MAP3K19: variants seen among roughly 807,000 people sequenced by gnomAD.
MAP3K19 encodes SPS1/STE20-related protein kinase YSK4.
In MAP3K19, 91 loss-of-function variants were observed where a neutral mutation model predicts 114.4. The ratio of observed to expected loss-of-function variants is 0.80; its 90% CI spans 0.67 to 0.95. MAP3K19 has a LOEUF of 0.95. Among genes scored for constraint, MAP3K19 ranks in the 40% least tolerant of loss-of-function variants. The pLI is 0.00. For missense variants in MAP3K19, 1,471 were observed against 1,573.2 expected (o/e 0.94, Z 1.10); for synonymous variants, 518 against 530.5 (o/e 0.98, Z 0.32).
chr2:135,008,831 T>C (rs1220481779), intron 5 of MAP3K19, among the ~76,000 whole-genome samples: 1 of 152,166 alleles, frequency 6.6e-6, no homozygotes, highest in Non-Finnish European at 1.5e-5. Flanking sequence ...CAGGCTGGAA[T>C]GCAGTGGCAC....
chr2:134,998,971 C>T lies in MAP3K19; in HGVS notation c.341G>A (p.Trp114Ter). The T allele has an allele frequency of 6.2e-7, 1 of 1,613,702 alleles. No homozygotes were observed. The highest frequency in any genetic ancestry group is 8.5e-7 in the Non-Finnish European group (1 of 1,179,978). ...KNLINSSLQE[W>*]AQAHAVSHPN... ...ATGAGAAACTGCATGTGCTTGTGCC[C>T]ATTCTTGAAGCGATGAGTTTATCAG... Residue 114 changes from tryptophan (W) to a stop codon, truncating the protein, a stop_gained, in exon 8 of 13, where the codon TGG becomes TAG. Transcript: ENST00000392915. LOFTEE classifies it high-confidence loss of function.
At chr2:135,021,861 A>G (rs376994611) in intron 4 of MAP3K19, 31 bp from the exon 5 acceptor site, 3 of 1,337,808 alleles carry the variant, frequency 2.2e-6, no homozygotes, top group South Asian at 1.3e-5. Flanking sequence ...GTATGTTTTG[A>G]TAAGATTCAT....
In MAP3K19 at chr2:134,986,868, G is replaced by A. The variant is rs779897651; in HGVS notation, c.2004C>T (p.Thr668=). 1.2e-6 allele frequency: 2 copies of A among 1,613,894 alleles called. No individual in the cohort carries two copies. Among genetic ancestry groups the A allele is most frequent in the Admixed American group, 1.7e-5 (1 of 59,986 alleles). ...TCTCTCGCACATGACAATAAACAGG[G>A]GTCCCAAACATTTCATAGATTCCAG... The part of the protein sequence containing the change: ...NGPGIYEMFG[T]PVYCHVRETE... Residue 668 remains threonine, a synonymous_variant, in exon 10 of 13, where the codon ACC becomes ACT. Coordinates refer to ENST00000392915, the MANE Select transcript of MAP3K19 (RefSeq NM_025052.5).
At chr2:134,971,846 T>A (rs1025562602) in intron 12 of MAP3K19, among the ~76,000 whole-genome samples, 1 of 151,954 alleles carries the variant, frequency 6.6e-6, no homozygotes, top group Non-Finnish European at 1.5e-5. Context: ...TGATTTTATT[T>A]TTTTTTTAAC....
intron 12 of MAP3K19, among the ~76,000 whole-genome samples, chr2:134,973,088 G>A (rs1683986904): frequency 6.6e-6 from 1 of 152,032 alleles, no homozygotes; most frequent in Non-Finnish European, 1.5e-5. Flanking sequence ...TGTTTTAATG[G>A]GAACATTTAT....
In MAP3K19 at chr2:135,028,655, A is replaced by C. The variant is rs144160816; in HGVS notation, c.-95+1657T>G. Reference sequence around the variant, plus strand: ...ATGAATGTAATTTGATGCCTTAATGAAAGTAAAACTTAATTTGGATAATTC... The same window carrying C: ...ATGAATGTAATTTGATGCCTTAATGCAAGTAAAACTTAATTTGGATAATTC... On this transcript the variant is annotated intron_variant, in intron 3 of 12. Transcript: ENST00000392915. Among the ~76,000 whole-genome samples the C allele has an allele frequency of 2.9e-3, 449 of 152,338 alleles. 2 individuals are homozygous for C. The highest frequency in any genetic ancestry group is 0.01 in the African/African-American group (418 of 41,576).
At chr2:135,031,158 TAAAA>T (rs58623364) in intron 2 of MAP3K19, among the ~76,000 whole-genome samples, 122 of 135,004 alleles carry the variant, frequency 9.0e-4, no homozygotes, top group African/African-American at 2.8e-3. Flanking sequence ...GAGACATATT[TAAAA>T]AAAAAAAAAA....
At position 134,987,234 on chromosome 2, in the gene MAP3K19, C is replaced by T. The variant is rs1457017910; in HGVS notation, c.1638G>A (p.Lys546=). 1.9e-6 allele frequency: 3 copies of T among 1,614,010 alleles called. No homozygotes were observed. The highest frequency in any genetic ancestry group is 2.7e-5 in the African/African-American group (2 of 74,900). ...SKLDSKTKTS[K]KTPQNFVIST... ...AAATCACAAAATTCTGAGGTGTCTT[C>T]TTACTTGTCTTGGTCTTTGAATCCA... The change falls in exon 10 of 13, where the codon AAG becomes AAA. Residue 546 remains lysine, a synonymous_variant. Coordinates refer to ENST00000392915, the MANE Select transcript of MAP3K19 (RefSeq NM_025052.5).
chr2:134,968,116 C>G (rs996482316), intron 12 of MAP3K19, among the ~76,000 whole-genome samples: 3 of 152,128 alleles, frequency 2.0e-5, no homozygotes, highest in Middle Eastern at 3.2e-3. Flanking sequence ...CTTGCACCGC[C>G]CCTAATCCAT....
At chr2:134,989,893 C>T (rs975819340) in intron 9 of MAP3K19, among the ~76,000 whole-genome samples, 4 of 152,064 alleles carry the variant, frequency 2.6e-5, no homozygotes, top group African/African-American at 4.8e-5. Flanking sequence ...ACCCACCTGA[C>T]CAACATGGTG....
intron 5 of MAP3K19, among the ~76,000 whole-genome samples, chr2:135,011,666 GTTGT>G (rs58467283): frequency 0.028 from 4,191 of 150,204 alleles, 144 homozygotes; most frequent in African/African-American, 0.079. Context: ...AGAGTTTGAT[GTTGT>G]TTGTTTGTTT....
rs74431328 is a variant in MAP3K19 at position 134,973,484 on chromosome 2, C to T, written c.3920+7337G>A. On this transcript the variant is annotated intron_variant, in intron 12 of 12. Coordinates refer to ENST00000392915, the MANE Select transcript of MAP3K19 (RefSeq NM_025052.5). Reference sequence around the variant, plus strand: ...TTTGCATGAACTATCTTTTTCCATCCTTTCACTTTCAGTCTATATGTGTCT... The same window carrying T: ...TTTGCATGAACTATCTTTTTCCATCTTTTCACTTTCAGTCTATATGTGTCT... Among the ~76,000 whole-genome samples, 8 of 152,128 alleles carry T rather than the reference C, an allele frequency of 5.3e-5. 1 individual carries two copies. The highest frequency in any genetic ancestry group is 5.2e-4 in the Admixed American group (8 of 15,274).
chr2:134,981,479 C>T lies in MAP3K19; in HGVS notation c.3262G>A (p.Val1088Ile), dbSNP rs1437005151. The change falls in exon 12 of 13, where the codon GTA becomes ATA. Residue 1088 changes from valine to isoleucine, a missense_variant. Coordinates refer to ENST00000392915, the MANE Select transcript of MAP3K19 (RefSeq NM_025052.5). ...GAGGTATCCAAAGCCACCTGTTTTA[C>T]AGCTATTAGCTGTCCTTGACTAGTG... ...GLTSQGQLIA[V>I]KQVALDTSNK... 28 of 1,614,056 alleles carry T rather than the reference C, an allele frequency of 1.7e-5. No homozygotes were observed. The Admixed American group carries it at 4.3e-4, about 25-fold the overall frequency.
intron 8 of MAP3K19, among the ~76,000 whole-genome samples, chr2:134,998,510 T>C (rs1473894856): frequency 6.6e-6 from 1 of 152,220 alleles, no homozygotes; most frequent in African/African-American, 2.4e-5. Flanking sequence ...TTTGCACATA[T>C]AGTGCTCTTT....
chr2:135,025,209 C>G (rs1366787805), intron 3 of MAP3K19, among the ~76,000 whole-genome samples: 1 of 151,204 alleles, frequency 6.6e-6, no homozygotes, highest in African/African-American at 2.4e-5. Flanking sequence ...TTTGATATTT[C>G]TTTTTTCTAA....
Position 134,986,194 on chromosome 2 carries a change from A to G in MAP3K19, c.2678T>C (p.Phe893Ser). 6.2e-7 allele frequency: 1 copy of G among 1,613,692 alleles called. No individual in the cohort carries two copies. Among genetic ancestry groups the G allele is most frequent in the Middle Eastern group, 1.7e-4 (1 of 6,058 alleles). Reference protein sequence around the residue: ...ASRILTNDLEFDSVSDHSKTL... With the variant: ...ASRILTNDLESDSVSDHSKTL... ...TTTAGAGTGATCTGAAACACTATCA[A>G]ACTCTAGATCATTAGTTAAAATTCG... The change falls in exon 10 of 13, where the codon TTT becomes TCT. Residue 893 changes from phenylalanine to serine, a missense_variant. Physicochemically the swap from Phe to Ser is radical, Grantham distance 155. Transcript: ENST00000392915.
chr2:135,017,130 G>C (rs1483499802), intron 5 of MAP3K19, among the ~76,000 whole-genome samples: 1 of 151,742 alleles, frequency 6.6e-6, no homozygotes, highest in African/African-American at 2.4e-5. Context: ...GGCTATCTTG[G>C]CTCTTCATAT....
chr2:135,003,578 G>A (rs188365602), intron 6 of MAP3K19, among the ~76,000 whole-genome samples: 79 of 147,568 alleles, frequency 5.4e-4, no homozygotes, highest in African/African-American at 1.9e-3. Context: ...GTTTTGAGAC[G>A]GAGCCTCACT....
At chr2:134,979,443 CGTGTGTGTGTGTGTGTGT>C (rs59337402) in intron 12 of MAP3K19, among the ~76,000 whole-genome samples, 13 of 146,770 alleles carry the variant, frequency 8.9e-5, no homozygotes, top group Non-Finnish European at 1.8e-4. Flanking sequence ...TAAAGTGCTT[CGTGTGTGTGTGTGTGTGT>C]GTGTGTGTGT....
Sources: gnomAD v4.1 joint callset for allele counts (sites outside exome capture counted in the v4.1 genomes callset) on GRCh38, gnomAD v4.1.1 for gene constraint, MANE v1.5 for transcripts, NCBI Gene and HGNC (gene_info 2026-07-23, HGNC 2026-07-21) for gene names.